Variants in COL5A2 observed in about 807,000 individuals in gnomAD.
COL5A2 encodes collagen alpha-2(V) chain.
Under a neutral mutation model 208.2 loss-of-function variants are expected in COL5A2, and 23 were observed. The observed-to-expected ratio is 0.11, with a 90% CI of 0.08 to 0.16. The LOEUF (loss-of-function observed/expected upper bound fraction) is 0.16. Ranked by LOEUF, COL5A2 falls within the 10% of genes least tolerant of loss-of-function variation. The pLI is 1.00. For synonymous variants in COL5A2, 625 were observed against 628.5 expected (o/e 0.99, Z 0.08); for missense variants, 1,590 against 1,956.4 (o/e 0.81, Z 3.53).
the COL5A2 span, among the ~76,000 whole-genome samples, chr2:189,317,264 A>G: frequency 9.3e-3 from 1,411 of 152,206 alleles, 4 homozygotes; most frequent in Non-Finnish European, 0.015. Context: ...ATTTTGTCAG[A>G]AATAAGATTT....
At chr2:189,353,835 A>G in the COL5A2 span, among the ~76,000 whole-genome samples, 1 of 152,018 alleles carries the variant, frequency 6.6e-6, no homozygotes, top group Non-Finnish European at 1.5e-5. Context: ...GTTGAATAGG[A>G]GTGGTGAGAG....
At chr2:189,115,839 A>C (rs1355915238) in intron 1 of COL5A2, among the ~76,000 whole-genome samples, 1 of 152,240 alleles carries the variant, frequency 6.6e-6, no homozygotes, top group Non-Finnish European at 1.5e-5. Flanking sequence ...TATTAAAAAG[A>C]TAAGCACTTT....
At chr2:189,199,565 G>A (rs912556064) in intron 1 of COL5A2, among the ~76,000 whole-genome samples, 2 of 152,164 alleles carry the variant, frequency 1.3e-5, no homozygotes, top group African/African-American at 4.8e-5. Flanking sequence ...ACATAGAGGG[G>A]TGGTGGTGAG....
At chr2:189,247,180 G>A in the COL5A2 span, among the ~76,000 whole-genome samples, 1 of 152,192 alleles carries the variant, frequency 6.6e-6, no homozygotes, top group East Asian at 1.9e-4. Flanking sequence ...TGTGGCCTAA[G>A]AAGAGAACAC....
chr2:189,109,623 C>G lies in COL5A2; in HGVS notation c.322+602G>C, dbSNP rs530428810. On this transcript the variant is annotated intron_variant, in intron 2 of 53. Coordinates refer to ENST00000374866, the MANE Select transcript of COL5A2 (RefSeq NM_000393.5). The stretch of plus-strand genomic sequence containing the variant: ...AACATGTATCTTTAAAATATGTACT[C>G]ATACTGAAATACATAATATCTGTTA... Among the ~76,000 whole-genome samples, 6 of 152,254 alleles carry G rather than the reference C, an allele frequency of 3.9e-5. No homozygotes were observed. The East Asian group carries it at 1.2e-3, about 29-fold the overall frequency.
intron 6 of COL5A2, among the ~76,000 whole-genome samples, chr2:189,096,577 A>G (rs998727489): frequency 3.4e-5 from 5 of 145,868 alleles, no homozygotes; most frequent in African/African-American, 1.0e-4. Context: ...AGCCGAGATC[A>G]CACCACTGCA....
intron 1 of COL5A2, among the ~76,000 whole-genome samples, chr2:189,168,636 T>C (rs373385059): frequency 4.6e-5 from 7 of 152,298 alleles, no homozygotes; most frequent in African/African-American, 1.7e-4. Flanking sequence ...CCTATTACTA[T>C]GAAAGCTAAA....
intron 1 of COL5A2, among the ~76,000 whole-genome samples, chr2:189,168,237 GT>G (rs34356887): frequency 5.9e-4 from 82 of 139,636 alleles, no homozygotes; most frequent in East Asian, 3.1e-3. Context: ...CTGTGCCCGG[GT>G]TTTTTTTTTT....
the COL5A2 span, among the ~76,000 whole-genome samples, chr2:189,295,308 A>T: frequency 6.6e-6 from 1 of 152,234 alleles, no homozygotes; most frequent in Admixed American, 6.5e-5. Context: ...AAATTAACAT[A>T]CTAAAGATTC....
At chr2:189,356,632 T>C in the COL5A2 span, among the ~76,000 whole-genome samples, 1 of 152,202 alleles carries the variant, frequency 6.6e-6, no homozygotes, top group Non-Finnish European at 1.5e-5. Flanking sequence ...TAGCAATTCA[T>C]CTAACCTTTT....
the COL5A2 span, among the ~76,000 whole-genome samples, chr2:189,320,875 A>G: frequency 6.6e-6 from 1 of 152,204 alleles, no homozygotes; most frequent in Non-Finnish European, 1.5e-5. Flanking sequence ...CAGATTCACC[A>G]AAGTTGAAAT....
chr2:189,440,670 G>A, the COL5A2 span, among the ~76,000 whole-genome samples: 70 of 152,272 alleles, frequency 4.6e-4, no homozygotes, highest in Non-Finnish European at 8.7e-4. Flanking sequence ...AATATGATAC[G>A]TGTAAGTTTA....
chr2:189,069,041 C>A, intron 18 of COL5A2, among the ~76,000 whole-genome samples, 157 bp from the exon 19 acceptor site: 1 of 152,262 alleles, frequency 6.6e-6, no homozygotes, highest in Middle Eastern at 3.4e-3. Context: ...GCTTAAGGAG[C>A]GCACTCACTT....
the COL5A2 span, among the ~76,000 whole-genome samples, chr2:189,260,373 G>T: frequency 6.6e-6 from 1 of 152,196 alleles, no homozygotes; most frequent in Non-Finnish European, 1.5e-5. Flanking sequence ...GGGTAGCCCA[G>T]TGACTGCAGG....
chr2:189,413,092 T>C, the COL5A2 span, among the ~76,000 whole-genome samples: 3 of 152,336 alleles, frequency 2.0e-5, no homozygotes, highest in South Asian at 6.2e-4. Context: ...GAATAATTTC[T>C]ATAGTGAAGT....
At chr2:189,110,871 G>A (rs1461165627) in intron 1 of COL5A2, among the ~76,000 whole-genome samples, 1 of 151,942 alleles carries the variant, frequency 6.6e-6, no homozygotes, top group African/African-American at 2.4e-5. Context: ...CAACTCACTG[G>A]AAACTTTAGT....
At chr2:189,274,696 T>C in the COL5A2 span, among the ~76,000 whole-genome samples, 8 of 152,022 alleles carry the variant, frequency 5.3e-5, no homozygotes, top group African/African-American at 1.9e-4. Context: ...TTTTCATTCA[T>C]CCCTGTGGGA....
At chr2:189,063,417 G>C in intron 26 of COL5A2, 147 bp from the exon 27 acceptor site, 1 of 718,504 alleles carries the variant, frequency 1.4e-6, no homozygotes, top group East Asian at 2.7e-5. Flanking sequence ...ACAGTTGAAT[G>C]GGTTTTTTAA....
chr2:189,057,427 C>T lies in COL5A2; in HGVS notation c.2230G>A (p.Gly744Ser). The T allele has an allele frequency of 1.9e-6, 3 of 1,607,892 alleles. No homozygotes were observed. The highest frequency in any genetic ancestry group is 2.6e-6 in the Non-Finnish European group (3 of 1,174,552). ...AGGHGPDGPKGSPGPSGTPGD... is the reference protein window; with the variant it reads ...AGGHGPDGPKSSPGPSGTPGD... ...GGGGTCCCAGATGGACCTGGACTGCCCTAAAATGAACCAACATTAAGTGAC... is the reference window on the plus strand; with the variant it reads ...GGGGTCCCAGATGGACCTGGACTGCTCTAAAATGAACCAACATTAAGTGAC... The change falls in exon 34 of 54, where the codon GGC (glycine) becomes AGC (serine). Residue 744 changes from glycine to serine, a missense_variant and splice_region_variant. Coordinates refer to ENST00000374866, the MANE Select transcript of COL5A2 (RefSeq NM_000393.5).
Sources: gnomAD v4.1 joint callset for allele counts (sites outside exome capture counted in the v4.1 genomes callset) on GRCh38, gnomAD v4.1.1 for gene constraint, MANE v1.5 for transcripts, NCBI Gene and HGNC (gene_info 2026-07-23, HGNC 2026-07-21) for gene names.